The following TSPAN1 variants were observed in gnomAD, a reference collection of about 807,000 sequenced individuals.
TSPAN1 encodes tetraspanin-1.
TSPAN1 carries 23 observed loss-of-function variants against 26.9 expected under a neutral mutation model. That is an observed-to-expected ratio of 0.85 (90% CI 0.62 to 1.21). The LOEUF is 1.21. Among genes scored for constraint, TSPAN1 ranks in the 50% most tolerant of loss-of-function variants. TSPAN1 has a pLI of 0.00. For missense variants in TSPAN1, 283 were observed against 298.4 expected (o/e 0.95, Z 0.38); for synonymous variants, 115 against 114.8 (o/e 1.00, Z -0.01).
chr1:46,192,929 C>T, the TSPAN1 span: 2 of 1,614,196 alleles, frequency 1.2e-6, no homozygotes, highest in African/African-American at 1.3e-5. Context: ...TGTCCAGGTC[C>T]TCTTCCAGAA....
At position 46,184,839 on chromosome 1, in the gene TSPAN1, T is replaced by C. The variant is rs773045756; in HGVS notation, c.394T>C (p.Ser132Pro). Residue 132 changes from serine (S) to proline (P), a missense_variant, in exon 6 of 9, where the codon TCC (serine) becomes CCC (proline). Ser to Pro is a moderately conservative substitution (Grantham distance 74). Coordinates refer to ENST00000372003, the MANE Select transcript of TSPAN1 (RefSeq NM_005727.4). Reference protein sequence around the residue: ...VVPAIKKDYGSQEDFTQVWNT... With the variant: ...VVPAIKKDYGPQEDFTQVWNT... ...GCCTGCCATCAAGAAAGATTATGGT[T>C]CCCAGGAAGACTTCACTCAAGTGTG... 3 of 1,614,174 alleles carry C rather than the reference T, an allele frequency of 1.9e-6. No homozygotes were observed. The highest frequency in any genetic ancestry group is 3.3e-5 in the Admixed American group (2 of 60,024).
the TSPAN1 span, chr1:46,194,609 G>A: frequency 2.5e-6 from 4 of 1,614,116 alleles, no homozygotes; most frequent in Admixed American, 3.3e-5. Context: ...CCCCCAGGAA[G>A]AGAGGGCAGG....
chr1:46,180,292 G>A (rs760724302), intron 1 of TSPAN1, among the ~76,000 whole-genome samples: 1 of 152,196 alleles, frequency 6.6e-6, no homozygotes, highest in South Asian at 2.1e-4. Context: ...TGTGGTGGAG[G>A]GCACGCAGAC....
the TSPAN1 span, chr1:46,196,161 G>A: frequency 1.2e-6 from 2 of 1,603,412 alleles, no homozygotes; most frequent in Non-Finnish European, 1.7e-6. This position sits in a 1 kb window ranked among gnomAD's most constrained non-coding sequence, Gnocchi z 4.4. Context: ...AACACCAGCT[G>A]CTTGAAACAT....
At chr1:46,188,608 AT>A, downstream of TSPAN1, 2 of 1,487,888 alleles carry the variant, frequency 1.3e-6, no homozygotes, top group Non-Finnish European at 1.8e-6. Context: ...AAAACTCACC[AT>A]CCAACACAAG....
chr1:46,184,366 C>A lies in TSPAN1; in HGVS notation c.233C>A (p.Ala78Asp), dbSNP rs1657377878. The A allele has an allele frequency of 3.1e-6, 5 of 1,614,024 alleles. No individual in the cohort carries two copies. The highest frequency in any genetic ancestry group is 4.2e-6 in the Non-Finnish European group (5 of 1,180,032). ...FALGFLGCYG[A>D]KTESKCALVT... is the part of the protein sequence containing the mutation. ...CTTGGTTTCCTGGGCTGCTATGGTGCTAAGACTGAGAGCAAGTGTGCCCTC... is the reference window on the plus strand; with the variant it reads ...CTTGGTTTCCTGGGCTGCTATGGTGATAAGACTGAGAGCAAGTGTGCCCTC... Residue 78 changes from alanine to aspartate, a missense_variant, in exon 4 of 9, where the codon GCT (alanine) becomes GAT (aspartate). Transcript: ENST00000372003.
chr1:46,184,583 T>C lies in TSPAN1; in HGVS notation c.265-11T>C. The C allele has an allele frequency of 6.2e-7, 1 of 1,614,074 alleles. No individual in the cohort carries two copies. Among genetic ancestry groups the C allele is most frequent in the Non-Finnish European group, 8.5e-7 (1 of 1,180,012 alleles). On this transcript the variant is annotated splice_polypyrimidine_tract_variant and intron_variant, in intron 4 of 8. Transcript: ENST00000372003. ...CTCTCCCTAAAACCCAGACCCCTGT[T>C]CCCCACTCAGTTCTTCTTCATCCTC...
At chr1:46,194,821 T>C in the TSPAN1 span, 1 of 1,613,626 alleles carries the variant, frequency 6.2e-7, no homozygotes, top group East Asian at 2.2e-5. Context: ...TACTACAGAG[T>C]GGATGGCCTC....
the TSPAN1 span, chr1:46,192,737 C>T: frequency 7.5e-6 from 12 of 1,593,970 alleles, no homozygotes; most frequent in Admixed American, 1.7e-4. Context: ...TCCATTCATC[C>T]ACTGTACCTT....
Position 46,184,814 on chromosome 1 carries a change from G to T in TSPAN1, c.369G>T (p.Val123=), listed in dbSNP as rs1234069912. 6.8e-6 allele frequency: 11 copies of T among 1,614,072 alleles called. No individual in the cohort carries two copies. The highest frequency in any genetic ancestry group is 9.3e-6 in the Non-Finnish European group (11 of 1,180,044). ...MAEHFLTLLV[V]PAIKKDYGSQ... ...AGCACTTCCTGACGTTGCTGGTAGTGCCTGCCATCAAGAAAGATTATGGTT... is the reference window on the plus strand; with the variant it reads ...AGCACTTCCTGACGTTGCTGGTAGTTCCTGCCATCAAGAAAGATTATGGTT... The change falls in exon 6 of 9, where the codon GTG becomes GTT. Residue 123 remains valine (V), a synonymous_variant. Transcript: ENST00000372003.
In TSPAN1 at chr1:46,184,347, T is replaced by G; in HGVS notation, c.214T>G (p.Phe72Val). ...CGGCGTTGTGGTCTTTGCTCTTGGT[T>G]TCCTGGGCTGCTATGGTGCTAAGAC... is the stretch of plus-strand genomic sequence containing the variant. The part of the protein sequence containing the change: ...AAGVVVFALG[F>V]LGCYGAKTES... The change falls in exon 4 of 9, where the codon TTC becomes GTC. Residue 72 changes from phenylalanine (F) to valine (V), a missense_variant. Physicochemically the swap from Phe to Val is conservative, Grantham distance 50 (BLOSUM62 -1). Transcript: ENST00000372003. 6.2e-7 allele frequency: 1 copy of G among 1,614,150 alleles called. No individual in the cohort carries two copies. The highest frequency in any genetic ancestry group is 8.5e-7 in the Non-Finnish European group (1 of 1,180,016).
chr1:46,188,026 G>T (rs1322858392), downstream of TSPAN1, among the ~76,000 whole-genome samples: 1 of 152,102 alleles, frequency 6.6e-6, no homozygotes, highest in Non-Finnish European at 1.5e-5. Flanking sequence ...CCTGCCGTAG[G>T]CTTTCTCATT....
chr1:46,192,999 T>C, the TSPAN1 span: 1 of 1,612,222 alleles, frequency 6.2e-7, no homozygotes, highest in Non-Finnish European at 8.5e-7. Flanking sequence ...AAGGGGTCTC[T>C]CCATCCTGTG....
chr1:46,179,964 A>AGTGTGTGTGTGTGTGTGTGTGT lies in TSPAN1; in HGVS notation c.-141-559_-141-538dup, dbSNP rs141816531. Reference sequence around the variant, plus strand: ...GAGAGACAGAGAAAGAGAAAGAGGGAGTGTGTGTGTGTGTGTGTGTGTGTT... The same window carrying AGTGTGTGTGTGTGTGTGTGTGT: ...GAGAGACAGAGAAAGAGAAAGAGGGAGTGTGTGTGTGTGTGTGTGTGTGTGTGTGTGTGTGTGTGTGTGTGTT... On this transcript the variant is annotated intron_variant, in intron 1 of 8. Transcript: ENST00000372003. Among the ~76,000 whole-genome samples the AGTGTGTGTGTGTGTGTGTGTGT allele has an allele frequency of 3.8e-3, 565 of 146,820 alleles. 4 individuals are homozygous for AGTGTGTGTGTGTGTGTGTGTGT. The highest frequency in any genetic ancestry group is 0.014 in the African/African-American group (547 of 39,758).
chr1:46,175,447 A>C (rs1657107374), intron 1 of TSPAN1, 38 bp downstream of exon 1: 4 of 395,926 alleles, frequency 1.0e-5, no homozygotes, highest in Non-Finnish European at 1.8e-5. Flanking sequence ...CACGCCCTGC[A>C]TAGTCAGCTG....
downstream of TSPAN1, chr1:46,190,637 A>G: frequency 3.9e-6 from 6 of 1,534,110 alleles, no homozygotes; most frequent in Admixed American, 1.7e-5. Flanking sequence ...GTAAACACAC[A>G]GGCCCAGCAT....
the TSPAN1 span, chr1:46,195,584 G>T: frequency 1.6e-6 from 1 of 606,556 alleles, no homozygotes; most frequent in Non-Finnish European, 3.0e-6. Context: ...TGGGGACTCT[G>T]TCTTGTTTCC....
chr1:46,193,019 G>A, the TSPAN1 span: 2 of 1,608,048 alleles, frequency 1.2e-6, no homozygotes, highest in African/African-American at 1.3e-5. Flanking sequence ...GATCTCCTTT[G>A]CCCCCAACCC....
chr1:46,192,330 G>A, the TSPAN1 span: 3 of 1,614,106 alleles, frequency 1.9e-6, no homozygotes, highest in Non-Finnish European at 1.7e-6. Flanking sequence ...AGGCCACTTG[G>A]GCTCAAGCTC....
Sources: allele counts gnomAD v4.1 joint callset (sites outside exome capture counted in the v4.1 genomes callset), GRCh38; gene constraint gnomAD v4.1.1; non-coding constraint Gnocchi (gnomAD v3.1); transcripts MANE v1.5; gene names NCBI Gene and HGNC (gene_info 2026-07-23, HGNC 2026-07-21).